The following KAZN variants were observed in gnomAD, a reference collection of about 807,000 sequenced individuals.
KAZN encodes kazrin.
In KAZN, 40 loss-of-function variants were observed where a neutral mutation model predicts 87.4. The observed-to-expected ratio is 0.46, with a 90% CI of 0.36 to 0.60. The LOEUF is 0.60. Among genes scored for constraint, KAZN ranks in the 20% least tolerant of loss-of-function variants. The pLI, the probability that KAZN is intolerant of heterozygous loss-of-function variation, is 0.00. For missense variants in KAZN, 898 were observed against 1,073.9 expected, an observed-to-expected ratio of 0.84 and a Z score of 2.29; for synonymous variants, 466 against 458.3, an observed-to-expected ratio of 1.02 and a Z score of -0.22.
intron 2 of KAZN, among the ~76,000 whole-genome samples, chr1:14,414,510 G>A (rs1200300684): frequency 1.3e-5 from 2 of 152,136 alleles, no homozygotes; most frequent in Admixed American, 6.6e-5. Flanking sequence ...TGAAACTGTA[G>A]AAACATAATG....
At chr1:14,753,304 T>A (rs1644465072) in intron 1 of KAZN, among the ~76,000 whole-genome samples, 1 of 152,176 alleles carries the variant, frequency 6.6e-6, no homozygotes, top group South Asian at 2.1e-4. Flanking sequence ...AGTGAGCACC[T>A]CCTGTTTATG....
intron 2 of KAZN, among the ~76,000 whole-genome samples, chr1:14,331,943 A>G (rs1282164119): frequency 1.3e-5 from 2 of 152,146 alleles, no homozygotes; most frequent in Non-Finnish European, 2.9e-5. Flanking sequence ...TTTATACTTA[A>G]TATTATATTT....
At chr1:14,598,594 A>G, upstream of KAZN, 1 of 978,518 alleles carries the variant, frequency 1.0e-6, no homozygotes, top group South Asian at 4.0e-5. The surrounding 1 kb of genome is among the most constrained non-coding windows in gnomAD (Gnocchi z 4.2). Flanking sequence ...CGGGAGGCCA[A>G]GGGTGCCCCC....
At chr1:14,694,821 T>G (rs1324516393) in intron 1 of KAZN, among the ~76,000 whole-genome samples, 1 of 152,240 alleles carries the variant, frequency 6.6e-6, no homozygotes, top group Non-Finnish European at 1.5e-5. Context: ...AATGACACAC[T>G]TAAGAGGCAT....
At chr1:14,050,899 A>G (rs1642301531) in intron 1 of KAZN, among the ~76,000 whole-genome samples, 1 of 152,220 alleles carries the variant, frequency 6.6e-6, no homozygotes, top group Admixed American at 6.5e-5. Context: ...AATCCATAAC[A>G]TGTATTATGA....
At chr1:14,555,499 C>T (rs768583825) in intron 2 of KAZN, among the ~76,000 whole-genome samples, 3 of 152,090 alleles carry the variant, frequency 2.0e-5, no homozygotes, top group Non-Finnish European at 4.4e-5. Flanking sequence ...AATAACTTTA[C>T]TTTAGAAATT....
intron 2 of KAZN, among the ~76,000 whole-genome samples, chr1:14,468,158 A>G (rs72645950): frequency 6.6e-4 from 100 of 152,258 alleles, no homozygotes; most frequent in Non-Finnish European, 1.2e-3. Flanking sequence ...ACATGGAAAA[A>G]AAGTCAAGCT....
At chr1:14,670,458 G>T (rs552199477) in intron 1 of KAZN, among the ~76,000 whole-genome samples, 2 of 152,210 alleles carry the variant, frequency 1.3e-5, no homozygotes, top group Admixed American at 6.5e-5. Context: ...TGATGCTGCT[G>T]CCACTGCTCC....
intron 1 of KAZN, among the ~76,000 whole-genome samples, chr1:14,722,160 A>T (rs200682294): frequency 0.08 from 8,778 of 110,270 alleles, 871 homozygotes; most frequent in African/African-American, 0.23. Flanking sequence ...CAAAAAAAAA[A>T]AAGAATAAAA....
At chr1:13,949,359 C>T (rs1229806954) in intron 1 of KAZN, among the ~76,000 whole-genome samples, 1 of 152,196 alleles carries the variant, frequency 6.6e-6, no homozygotes, top group Non-Finnish European at 1.5e-5. Context: ...AGAAATACCT[C>T]CTGTTTAAGA....
chr1:14,014,755 A>C (rs1284976496), intron 1 of KAZN, among the ~76,000 whole-genome samples: 1 of 152,216 alleles, frequency 6.6e-6, no homozygotes, highest in Non-Finnish European at 1.5e-5. Flanking sequence ...CTTGGAGAAA[A>C]GTCTGAGAGG....
chr1:13,969,790 C>A (rs1295009794), intron 1 of KAZN, among the ~76,000 whole-genome samples: 1 of 152,080 alleles, frequency 6.6e-6, no homozygotes, highest in Admixed American at 6.5e-5. Flanking sequence ...CCAGCACACA[C>A]CACAGATAAT....
chr1:15,044,570 G>A (rs879316634), intron 4 of KAZN, among the ~76,000 whole-genome samples: 7 of 151,926 alleles, frequency 4.6e-5, no homozygotes, highest in Non-Finnish European at 1.0e-4. Flanking sequence ...GGGCAACATG[G>A]CAAAACCCTA....
intron 1 of KAZN, among the ~76,000 whole-genome samples, chr1:14,925,546 G>A (rs940019850): frequency 6.6e-6 from 1 of 152,174 alleles, no homozygotes; most frequent in Non-Finnish European, 1.5e-5. Flanking sequence ...AAGCCCGGAG[G>A]TTAAGCGACT....
intron 2 of KAZN, among the ~76,000 whole-genome samples, chr1:14,282,205 A>C (rs1346661775): frequency 1.3e-5 from 2 of 152,222 alleles, no homozygotes; most frequent in Non-Finnish European, 2.9e-5. Flanking sequence ...GATATGACTC[A>C]ATCACTGGAC....
intron 2 of KAZN, among the ~76,000 whole-genome samples, chr1:14,416,603 G>C (rs891821533): frequency 1.3e-5 from 2 of 152,082 alleles, no homozygotes; most frequent in African/African-American, 2.4e-5. Flanking sequence ...CGGGCATGGT[G>C]GTGGGCACCT....
chr1:14,442,443 C>A (rs574025843), intron 2 of KAZN, among the ~76,000 whole-genome samples: 2 of 152,286 alleles, frequency 1.3e-5, no homozygotes, highest in South Asian at 4.1e-4. Context: ...GGAGGTTTTG[C>A]TGCTGTATGA....
rs537773661 is a variant in KAZN at position 13,993,326 on chromosome 1, A to G, written c.91+99570A>G. The stretch of plus-strand genomic sequence containing the variant: ...CTGTAAGTCCTAGGCTGATTGATAC[A>G]TATACAGTCAGTTAAAGGAGTTTAC... On this transcript the variant is annotated intron_variant, in intron 1 of 16. Coordinates refer to the KAZN transcript ENST00000636203. Among the ~76,000 whole-genome samples the G allele has an allele frequency of 8.5e-5, 13 of 152,328 alleles. No individual in the cohort carries two copies. The South Asian group carries it at 1.0e-3, about 12-fold the overall frequency.
chr1:15,011,704 C>T lies in KAZN; in HGVS notation c.419-23045C>T, dbSNP rs147769008. 2.8e-3 allele frequency among the ~76,000 whole-genome samples: 432 copies of T among 152,316 alleles called. 2 individuals carry two copies. The highest frequency in any genetic ancestry group is 0.01 in the African/African-American group (418 of 41,564). ...GGATGAATGAGAGAATGAACAAAAG[C>T]ATAGACCTTACTCTCTTCCATTTGT... On this transcript the variant is annotated intron_variant, in intron 2 of 14. Coordinates refer to ENST00000376030, the MANE Select transcript of KAZN (RefSeq NM_201628.3).
Sources: gnomAD v4.1 joint callset for allele counts (sites outside exome capture counted in the v4.1 genomes callset) on GRCh38, gnomAD v4.1.1 for gene constraint, Gnocchi (gnomAD v3.1) non-coding constraint, MANE v1.5 for transcripts, NCBI Gene and HGNC (gene_info 2026-07-23, HGNC 2026-07-21) for gene names.